SGCZ: variants seen among roughly 807,000 people sequenced by gnomAD.
SGCZ encodes the protein zeta-sarcoglycan.
In SGCZ, 40 loss-of-function variants were observed where a neutral mutation model predicts 41.3. The observed-to-expected ratio is 0.97, with a 90% CI of 0.75 to 1.26. The LOEUF is 1.26. Among genes scored for constraint, SGCZ ranks in the 50% most tolerant of loss-of-function variants. The pLI is 0.00. For missense variants in SGCZ, 552 were observed against 369.8 expected (o/e 1.49, Z -4.04); for synonymous variants, 206 against 137.5 (o/e 1.50, Z -3.49).
chr8:14,926,760 C>A (rs1022421021), intron 1 of SGCZ, among the ~76,000 whole-genome samples: 26 of 152,036 alleles, frequency 1.7e-4, no homozygotes, highest in African/African-American at 6.3e-4. Context: ...CCTGCCTCAG[C>A]CTCCCAAGTA....
chr8:14,814,556 A>G (rs1404345092), intron 1 of SGCZ, among the ~76,000 whole-genome samples: 7 of 152,212 alleles, frequency 4.6e-5, no homozygotes, highest in Non-Finnish European at 1.0e-4. Flanking sequence ...CTCATAGCCA[A>G]AGAAATAATT....
At chr8:14,774,225 T>G (rs1046082855) in intron 1 of SGCZ, among the ~76,000 whole-genome samples, 4 of 152,182 alleles carry the variant, frequency 2.6e-5, no homozygotes, top group Non-Finnish European at 2.9e-5. Flanking sequence ...CTGAAGGCCT[T>G]CAGACATGAA....
chr8:14,917,197 G>A (rs1799462065), intron 1 of SGCZ, among the ~76,000 whole-genome samples: 1 of 152,070 alleles, frequency 6.6e-6, no homozygotes, highest in African/African-American at 2.4e-5. Flanking sequence ...TAGGGAAAAG[G>A]AGGCTCACCA....
chr8:14,140,334 A>G (rs954320385), intron 5 of SGCZ, among the ~76,000 whole-genome samples: 2 of 152,150 alleles, frequency 1.3e-5, no homozygotes, highest in African/African-American at 4.8e-5. Flanking sequence ...ATCAGGCAGG[A>G]GAAAGAAAGA....
intron 1 of SGCZ, among the ~76,000 whole-genome samples, chr8:14,717,379 T>C (rs571036535): frequency 1.3e-5 from 2 of 152,244 alleles, no homozygotes; most frequent in African/African-American, 4.8e-5. Context: ...TATAAATCAC[T>C]TACAGTAATA....
intron 3 of SGCZ, among the ~76,000 whole-genome samples, chr8:14,242,887 T>G (rs191540557): frequency 6.6e-6 from 1 of 152,124 alleles, no homozygotes; most frequent in Non-Finnish European, 1.5e-5. Context: ...AAATAGGAAA[T>G]TGAATTCAAC....
intron 1 of SGCZ, among the ~76,000 whole-genome samples, chr8:14,560,207 CT>C (rs1804166685): frequency 6.6e-6 from 1 of 151,980 alleles, no homozygotes. Flanking sequence ...GGAGAGAAGA[CT>C]TGTAATGTTC....
intron 1 of SGCZ, among the ~76,000 whole-genome samples, chr8:14,980,296 G>A (rs531393057): frequency 1.3e-5 from 2 of 152,320 alleles, no homozygotes; most frequent in South Asian, 4.1e-4. Context: ...CCAGAGGAAG[G>A]CAGAGTAACA....
chr8:14,093,328 G>C (rs1046674077), intron 7 of SGCZ, among the ~76,000 whole-genome samples: 2 of 151,902 alleles, frequency 1.3e-5, no homozygotes, highest in Non-Finnish European at 2.9e-5. Context: ...TTTAAGAAAC[G>C]CAAATCAAAT....
intron 1 of SGCZ, among the ~76,000 whole-genome samples, chr8:14,622,534 A>G (rs1390272342): frequency 6.6e-6 from 1 of 150,768 alleles, no homozygotes; most frequent in Non-Finnish European, 1.5e-5. Flanking sequence ...ATGTCACCTG[A>G]AAGAGTGTTG....
intron 2 of SGCZ, among the ~76,000 whole-genome samples, chr8:14,438,415 A>T (rs1391265950): frequency 6.6e-6 from 1 of 151,980 alleles, no homozygotes; most frequent in Non-Finnish European, 1.5e-5. Flanking sequence ...CACCCAAATT[A>T]TGATACTTAT....
intron 2 of SGCZ, among the ~76,000 whole-genome samples, chr8:14,450,745 T>C (rs1800569187): frequency 1.3e-5 from 2 of 152,204 alleles, no homozygotes; most frequent in African/African-American, 2.4e-5. Context: ...GTCATTATGA[T>C]GGATTTCTGT....
chr8:14,799,426 T>C (rs1436811474), intron 1 of SGCZ, among the ~76,000 whole-genome samples: 1 of 151,912 alleles, frequency 6.6e-6, no homozygotes, highest in African/African-American at 2.4e-5. Flanking sequence ...CAGTATCTGA[T>C]GGAGAGTACA....
Position 14,953,699 on chromosome 8 carries a change from A to G in SGCZ, c.39+283886T>C, listed in dbSNP as rs115780391. Among the ~76,000 whole-genome samples, 1,162 of 152,244 alleles carry G rather than the reference A, an allele frequency of 7.6e-3. 12 individuals carry two copies. The highest frequency in any genetic ancestry group is 0.026 in the African/African-American group (1,090 of 41,556). ...TACTATACTGGGACTCAATTTCCCC[A>G]TTTGCAAAAACGGGAAAATAATGAC... On this transcript the variant is annotated intron_variant, in intron 1 of 7. Coordinates refer to ENST00000382080, the MANE Select transcript of SGCZ (RefSeq NM_139167.4).
chr8:14,477,665 C>T lies in SGCZ; in HGVS notation c.234+77067G>A, dbSNP rs373295194. Among the ~76,000 whole-genome samples the T allele has an allele frequency of 9.9e-5, 15 of 152,254 alleles. No individual in the cohort carries two copies. The East Asian group carries it at 1.9e-3, about 20-fold the overall frequency. ...TCTAATTACCATGAAAACGTTAGGT[C>T]TAACTTTCTAAACATAAATTTTTTG... On this transcript the variant is annotated intron_variant, in intron 2 of 7. Transcript: ENST00000382080.
chr8:15,112,403 C>T (rs1807103794), intron 1 of SGCZ, among the ~76,000 whole-genome samples: 1 of 152,220 alleles, frequency 6.6e-6, no homozygotes, highest in East Asian at 1.9e-4. Context: ...CATTCTCCTG[C>T]TTCAGATATT....
intron 1 of SGCZ, among the ~76,000 whole-genome samples, chr8:14,855,531 T>G (rs1421648326): frequency 6.6e-6 from 1 of 152,214 alleles, no homozygotes; most frequent in African/African-American, 2.4e-5. Context: ...CTGCCTTGAC[T>G]AGAAGGTCAA....
At chr8:14,695,808 G>A (rs1808942691) in intron 1 of SGCZ, among the ~76,000 whole-genome samples, 1 of 151,426 alleles carries the variant, frequency 6.6e-6, no homozygotes, top group Non-Finnish European at 1.5e-5. Flanking sequence ...GTGATGAGGA[G>A]GGGGCCAAGA....
chr8:14,476,093 C>G (rs905917549), intron 2 of SGCZ, among the ~76,000 whole-genome samples: 2 of 152,052 alleles, frequency 1.3e-5, no homozygotes, highest in African/African-American at 4.8e-5. Context: ...GTGTGCTGGC[C>G]TGATGGTTAT....
Sources: gnomAD v4.1 joint callset for allele counts (sites outside exome capture counted in the v4.1 genomes callset) on GRCh38, gnomAD v4.1.1 for gene constraint, MANE v1.5 for transcripts, NCBI Gene and HGNC (gene_info 2026-07-23, HGNC 2026-07-21) for gene names.